Variants in RGS22 observed in about 807,000 individuals in gnomAD.
RGS22 encodes regulator of G protein signaling 22, also known as regulator of G-protein signaling 22.
Under a neutral mutation model 172.9 loss-of-function variants are expected in RGS22, and 148 were observed. The ratio of observed to expected loss-of-function variants is 0.86; its 90% confidence interval spans 0.75 to 0.98. The LOEUF (loss-of-function observed/expected upper bound fraction) is 0.98. Among genes scored for constraint, RGS22 ranks in the 50% least tolerant of loss-of-function variants. RGS22 has a pLI of 0.00. For synonymous variants in RGS22, 458 were observed against 480.2 expected (o/e 0.95, Z 0.60); for missense variants, 1,347 against 1,440.8 (o/e 0.93, Z 1.05).
intron 15 of RGS22, among the ~76,000 whole-genome samples, chr8:100,007,370 C>T (rs118028243): frequency 0.012 from 1,834 of 152,212 alleles, 16 homozygotes; most frequent in Middle Eastern, 0.048. Context: ...AAATTGCCTC[C>T]ACCCGTTAAT....
At chr8:100,049,539 C>T (rs1240417522) in intron 10 of RGS22, among the ~76,000 whole-genome samples, 1 of 152,172 alleles carries the variant, frequency 6.6e-6, no homozygotes, top group Non-Finnish European at 1.5e-5. Flanking sequence ...TTCTCTTATT[C>T]GAGTTCCTTT....
chr8:100,042,006 C>T lies in RGS22; in HGVS notation c.1824-90G>A, dbSNP rs184192592. The T allele has an allele frequency of 9.0e-5, 63 of 698,964 alleles. No individual in the cohort carries two copies. The East Asian group carries it at 1.4e-3, about 15-fold the overall frequency. 43.3% of individuals were successfully genotyped at this position (698,964 alleles called of 1,614,324 possible). On this transcript the variant is annotated intron_variant, in intron 11 of 27. Coordinates refer to ENST00000360863, the MANE Select transcript of RGS22 (RefSeq NM_015668.5). ...TGAGCACTTTTGGTATACATAGCAC[C>T]GAATCTCAAGAGTACTTCTGAGCAA...
chr8:100,045,940 G>A (rs765258516), intron 11 of RGS22, among the ~76,000 whole-genome samples: 6 of 151,664 alleles, frequency 4.0e-5, no homozygotes, highest in Non-Finnish European at 5.9e-5. Flanking sequence ...ACAATGTCAC[G>A]TCCATCAATA....
At chr8:99,962,481 T>G in intron 26 of RGS22, 38 bp from the exon 27 acceptor site, 1 of 1,604,648 alleles carries the variant, frequency 6.2e-7, no homozygotes, top group Non-Finnish European at 8.5e-7. Flanking sequence ...ATATTTAGTC[T>G]TTCCTCCTTA....
chr8:100,073,525 C>T (rs191393313), intron 4 of RGS22, among the ~76,000 whole-genome samples: 1 of 152,254 alleles, frequency 6.6e-6, no homozygotes, highest in African/African-American at 2.4e-5. Flanking sequence ...ATAGCCAGCA[C>T]CTAATCAGCA....
chr8:100,067,264 A>G (rs970279307), intron 6 of RGS22, among the ~76,000 whole-genome samples: 9 of 152,214 alleles, frequency 5.9e-5, no homozygotes, highest in African/African-American at 2.2e-4. Flanking sequence ...AGCAAGACAG[A>G]GAAATCAGAG....
intron 17 of RGS22, 89 bp from the exon 18 acceptor site, chr8:100,002,453 AG>A: frequency 7.8e-7 from 1 of 1,284,390 alleles, no homozygotes; most frequent in Non-Finnish European, 1.1e-6. Context: ...GACAGAACTT[AG>A]AAAGTGGCTA....
At chr8:100,006,717 C>T (rs1018845967) in intron 15 of RGS22, among the ~76,000 whole-genome samples, 1 of 152,178 alleles carries the variant, frequency 6.6e-6, no homozygotes, top group African/African-American at 2.4e-5. Flanking sequence ...CTTTGATAGT[C>T]TGCTGGGTTA....
intron 21 of RGS22, among the ~76,000 whole-genome samples, chr8:99,982,656 T>C (rs756701567): frequency 2.0e-5 from 3 of 152,176 alleles, no homozygotes; most frequent in Non-Finnish European, 4.4e-5. Context: ...TACGCCAAGG[T>C]GATTTAGGCT....
At chr8:100,039,732 A>T (rs1819909922) in intron 13 of RGS22, among the ~76,000 whole-genome samples, 1 of 151,898 alleles carries the variant, frequency 6.6e-6, no homozygotes, top group African/African-American at 2.4e-5. Context: ...ATTTTGAAAA[A>T]CCAACTGGAA....
chr8:100,072,818 A>G (rs1488786129), intron 4 of RGS22, among the ~76,000 whole-genome samples: 1 of 152,182 alleles, frequency 6.6e-6, no homozygotes, highest in Non-Finnish European at 1.5e-5. Flanking sequence ...CAGAACACGC[A>G]CTTCACTCTC....
intron 16 of RGS22, among the ~76,000 whole-genome samples, chr8:100,005,075 T>G (rs1015183140): frequency 2.0e-5 from 3 of 152,046 alleles, no homozygotes; most frequent in Non-Finnish European, 2.9e-5. Context: ...GATAGTATTA[T>G]AAAGTTTAGT....
intron 9 of RGS22, among the ~76,000 whole-genome samples, chr8:100,053,279 G>A (rs1821877405): frequency 1.3e-5 from 2 of 152,050 alleles, no homozygotes; most frequent in South Asian, 2.1e-4. Flanking sequence ...AAAATTAGCT[G>A]GGCATGGTGA....
intron 22 of RGS22, among the ~76,000 whole-genome samples, chr8:99,981,724 G>GT (rs534670626): frequency 0.011 from 1,416 of 129,918 alleles, 14 homozygotes; most frequent in Middle Eastern, 0.02. Flanking sequence ...TTTTTTTTAG[G>GT]TTTTTTTTTT....
chr8:100,003,098 C>T, intron 17 of RGS22: 1 of 198,042 alleles, frequency 5.0e-6, no homozygotes, highest in Non-Finnish European at 1.1e-5. Context: ...TATTTGATAG[C>T]ACAATAGGAT....
At position 100,046,763 on chromosome 8, in the gene RGS22, G is replaced by A. The variant is rs571386577; in HGVS notation, c.1823+700C>T. On this transcript the variant is annotated intron_variant, in intron 11 of 27. Coordinates refer to ENST00000360863, the MANE Select transcript of RGS22 (RefSeq NM_015668.5). ...TCGGCATTTGAGGCTGCTTTTTCCT[G>A]AGGCTTTGCTTACGAGAGTCAAAGA... is the stretch of plus-strand genomic sequence containing the variant. 3.3e-5 allele frequency among the ~76,000 whole-genome samples: 5 copies of A among 151,826 alleles called. No individual in the cohort carries two copies. The South Asian group carries it at 6.3e-4, about 19-fold the overall frequency.
At chr8:100,013,332 G>C (rs1434535534) in intron 14 of RGS22, among the ~76,000 whole-genome samples, 1 of 152,080 alleles carries the variant, frequency 6.6e-6, no homozygotes, top group Non-Finnish European at 1.5e-5. Flanking sequence ...GGTAAAGTAG[G>C]AAAGAAGTTG....
At chr8:99,982,669 A>G (rs1812673710) in intron 21 of RGS22, among the ~76,000 whole-genome samples, 2 of 152,200 alleles carry the variant, frequency 1.3e-5, no homozygotes, top group African/African-American at 2.4e-5. Flanking sequence ...TTTAGGCTCA[A>G]AAAGGTACTG....
chr8:100,087,128 A>G (rs778768240), intron 3 of RGS22, among the ~76,000 whole-genome samples: 1 of 152,162 alleles, frequency 6.6e-6, no homozygotes, highest in East Asian at 1.9e-4. Context: ...AAACTCCTAT[A>G]GTTTAGTAAG....
Sources: allele counts gnomAD v4.1 joint callset (sites outside exome capture counted in the v4.1 genomes callset), GRCh38; gene constraint gnomAD v4.1.1; transcripts MANE v1.5; gene names NCBI Gene and HGNC (gene_info 2026-07-23, HGNC 2026-07-21).